VAV1: variants seen among roughly 807,000 people sequenced by gnomAD.
VAV1 encodes proto-oncogene vav.
VAV1 carries 33 observed loss-of-function variants against 128.1 expected under a neutral mutation model. That is an observed-to-expected ratio of 0.26 (90% CI 0.20 to 0.34). The LOEUF is 0.34. Ranked by LOEUF, VAV1 falls within the 10% of genes least tolerant of loss-of-function variation. The pLI is 1.00. For synonymous variants in VAV1, 394 were observed against 409.8 expected (o/e 0.96, Z 0.47); for missense variants, 715 against 1,093.7 (o/e 0.65, Z 4.88).
At chr19:6,817,185 T>C (rs1407539558) in intron 1 of VAV1, among the ~76,000 whole-genome samples, 4 of 151,654 alleles carry the variant, frequency 2.6e-5, no homozygotes, top group Non-Finnish European at 5.9e-5. Flanking sequence ...GTAGCTGGGA[T>C]TACAGGTGCC....
intron 7 of VAV1, 28 bp from the exon 8 acceptor site, chr19:6,825,275 C>A: frequency 6.2e-7 from 1 of 1,600,990 alleles, no homozygotes; most frequent in African/African-American, 1.3e-5. Flanking sequence ...GGGCTCTGGT[C>A]CCAGCCCTCA....
At chr19:6,853,329 G>A (rs556111803) in intron 25 of VAV1, among the ~76,000 whole-genome samples, 4 of 151,234 alleles carry the variant, frequency 2.6e-5, no homozygotes, top group East Asian at 3.9e-4. Flanking sequence ...GCAGTGGTGC[G>A]ATCTTAGCTC....
At chr19:6,836,897 C>T (rs918323620) in intron 20 of VAV1, 88 bp from the exon 21 acceptor site, 7 of 1,272,456 alleles carry the variant, frequency 5.5e-6, no homozygotes, top group Non-Finnish European at 5.7e-6. Flanking sequence ...GGGGCAGGAT[C>T]CACGTGTAGG....
chr19:6,805,297 C>T (rs1250938568), intron 1 of VAV1, among the ~76,000 whole-genome samples: 3 of 151,732 alleles, frequency 2.0e-5, no homozygotes, highest in Admixed American at 6.6e-5. Flanking sequence ...TGGTGGCACA[C>T]ACCTGTGATC....
chr19:6,800,839 C>G (rs1215163691), intron 1 of VAV1, among the ~76,000 whole-genome samples: 1 of 98,962 alleles, frequency 1.0e-5, no homozygotes, highest in Non-Finnish European at 2.6e-5. Context: ...GTTGCCCAGG[C>G]TGGTCTTGAA....
intron 6 of VAV1, among the ~76,000 whole-genome samples, chr19:6,824,330 C>T (rs347032): frequency 0.046 from 7,059 of 152,170 alleles, 547 homozygotes; most frequent in African/African-American, 0.16. Flanking sequence ...CGGTCCATGG[C>T]AACCACGAGC....
At chr19:6,789,610 T>TCCTTCCTTCCTTCCTTCCTTCCTTCCTA (rs1568285787) in intron 1 of VAV1, among the ~76,000 whole-genome samples, 4 of 151,680 alleles carry the variant, frequency 2.6e-5, no homozygotes, top group African/African-American at 7.3e-5. Flanking sequence ...CTTCCTTCCT[T>TCCTTCCTTCCTTCCTTCCTTCCTTCCTA]CCTTTCTGAT....
At chr19:6,816,641 C>T (rs918195433) in intron 1 of VAV1, among the ~76,000 whole-genome samples, 5 of 152,034 alleles carry the variant, frequency 3.3e-5, no homozygotes, top group African/African-American at 1.2e-4. Context: ...GCAGCATCCC[C>T]ACACCGATCT....
rs992612501 is a variant in VAV1 at position 6,822,605 on chromosome 19, T to G, written c.654+91T>G. 2.6e-6 allele frequency: 3 copies of G among 1,169,016 alleles called. No individual in the cohort carries two copies. In the East Asian group the frequency reaches 7.7e-5, roughly 30 times the overall value. The allele number at this position is 1,169,016 out of a possible 1,614,324, so 72.4% of individuals were successfully genotyped here. ...CACCTGTCCGGCCGCTCTGGGCAGC[T>G]GAGGATTTCCTGCTCCCATCGCTTT... On this transcript the variant is annotated intron_variant, in intron 6 of 26. Coordinates refer to ENST00000602142, the MANE Select transcript of VAV1 (RefSeq NM_005428.4). The surrounding 1 kb of genome is among the most constrained non-coding windows in gnomAD (Gnocchi z 5.9).
chr19:6,806,472 TTCAGTAGC>T (rs548636121), intron 1 of VAV1, among the ~76,000 whole-genome samples: 63 of 152,318 alleles, frequency 4.1e-4, no homozygotes, highest in Middle Eastern at 6.8e-3. Context: ...TATGGCTTCA[TTCAGTAGC>T]TCCAACAATG....
chr19:6,792,392 T>C (rs1163343406), intron 1 of VAV1, among the ~76,000 whole-genome samples: 1 of 148,414 alleles, frequency 6.7e-6, no homozygotes, highest in Non-Finnish European at 1.5e-5. Context: ...AGGAATGAAA[T>C]GAAATGAAAA....
intron 20 of VAV1, 63 bp downstream of exon 20, chr19:6,836,631 G>T: frequency 6.3e-7 from 1 of 1,590,014 alleles, no homozygotes; most frequent in South Asian, 1.1e-5. Context: ...GGATTCATGT[G>T]GTCTCAGGGA....
intron 1 of VAV1, among the ~76,000 whole-genome samples, chr19:6,799,809 T>A (rs2144728691): frequency 7.6e-6 from 1 of 131,032 alleles, no homozygotes; most frequent in Non-Finnish European, 1.5e-5. Flanking sequence ...TGGGCCAGGC[T>A]GCACTCCAGC....
chr19:6,800,366 G>A lies in VAV1; in HGVS notation c.205-20336G>A, dbSNP rs534542585. 2.0e-5 allele frequency among the ~76,000 whole-genome samples: 3 copies of A among 151,156 alleles called. No individual in the cohort carries two copies. In the South Asian group the frequency reaches 6.3e-4, roughly 32 times the overall value. ...GCTCTGTTGCCCAGGCTGGAGTGCA[G>A]TGGCATGATCTCGGCTCACTGCAAC... On this transcript the variant is annotated intron_variant, in intron 1 of 26. Transcript: ENST00000602142.
rs1440772258 is a variant in VAV1 at position 6,837,029 on chromosome 19, C to A, written c.1959C>A (p.Asn653Lys). ...ATGAAATTGGCTGGTTTCCTTGTAA[C>A]AGGGTGAAGCCCTATGTCCATGTGA... ...STNEIGWFPC[N>K]RVKPYVHGPP... The change falls in exon 21 of 27, where the codon AAC (asparagine) becomes AAA (lysine). Residue 653 changes from asparagine (N) to lysine (K), a missense_variant. Coordinates refer to ENST00000602142, the MANE Select transcript of VAV1 (RefSeq NM_005428.4). 4 of 1,614,120 alleles carry A rather than the reference C, an allele frequency of 2.5e-6. No individual in the cohort carries two copies. In the South Asian group the frequency reaches 4.4e-5, roughly 18 times the overall value.
chr19:6,817,716 TCG>T (rs200040951), intron 1 of VAV1, among the ~76,000 whole-genome samples: 281 of 152,130 alleles, frequency 1.8e-3, no homozygotes, highest in African/African-American at 6.6e-3. Context: ...AGATGGGGTC[TCG>T]CTCTGTTGCC....
chr19:6,778,444 T>C (rs1363588116), intron 1 of VAV1, among the ~76,000 whole-genome samples: 1 of 151,794 alleles, frequency 6.6e-6, no homozygotes, highest in Non-Finnish European at 1.5e-5. Flanking sequence ...ACAGTTAGAG[T>C]AGGGGGTGGA....
chr19:6,814,457 G>T (rs1971578292), intron 1 of VAV1, among the ~76,000 whole-genome samples: 1 of 151,628 alleles, frequency 6.6e-6, no homozygotes, highest in Non-Finnish European at 1.5e-5. Flanking sequence ...TTTAATTTGT[G>T]AGTTATTTTT....
At chr19:6,776,247 T>G (rs1441175856) in intron 1 of VAV1, among the ~76,000 whole-genome samples, 1 of 150,634 alleles carries the variant, frequency 6.6e-6, no homozygotes, top group Admixed American at 6.6e-5. Context: ...TATCCATCCA[T>G]CCATCCATCC....
Sources: allele counts gnomAD v4.1 joint callset (sites outside exome capture counted in the v4.1 genomes callset), GRCh38; gene constraint gnomAD v4.1.1; non-coding constraint Gnocchi (gnomAD v3.1); transcripts MANE v1.5; gene names NCBI Gene and HGNC (gene_info 2026-07-23, HGNC 2026-07-21).